The following SPAG16 variants were observed in gnomAD, a reference collection of about 807,000 sequenced individuals.
The protein encoded by SPAG16 is sperm-associated antigen 16 protein.
In SPAG16, 86 loss-of-function variants were observed where a neutral mutation model predicts 80.4. That is an observed-to-expected ratio of 1.07 (90% CI 0.90 to 1.28). The LOEUF (loss-of-function observed/expected upper bound fraction) is 1.28, where lower values mean the gene tolerates loss of function less well. Among genes scored for constraint, SPAG16 ranks in the 50% most tolerant of loss-of-function variants. SPAG16 has a pLI of 0.00. For missense variants in SPAG16, 870 were observed against 765.3 expected, an observed-to-expected ratio of 1.14 and a Z score of -1.61; for synonymous variants, 294 against 265.9, an observed-to-expected ratio of 1.11 and a Z score of -1.03.
chr2:213,589,857 G>A (rs2060620258), intron 10 of SPAG16, among the ~76,000 whole-genome samples: 1 of 151,418 alleles, frequency 6.6e-6, no homozygotes, highest in East Asian at 1.9e-4. Flanking sequence ...GGGTGGCAGA[G>A]GTTTCAGTGA....
Position 214,114,758 on chromosome 2 carries a change from T to C in SPAG16, c.1593+6497T>C, listed in dbSNP as rs186621546. Among the ~76,000 whole-genome samples, 635 of 152,324 alleles carry C rather than the reference T, an allele frequency of 4.2e-3. 8 individuals are homozygous for C. The highest frequency in any genetic ancestry group is 0.015 in the African/African-American group (604 of 41,576). On this transcript the variant is annotated intron_variant, in intron 14 of 15. Transcript: ENST00000331683. ...AGGGAAATCCCCCAAACCCTTGTGC[T>C]TCCCGGGTGAGGCAACACCTCTACC...
At chr2:214,109,642 A>G (rs2053567485) in intron 14 of SPAG16, among the ~76,000 whole-genome samples, 1 of 152,194 alleles carries the variant, frequency 6.6e-6, no homozygotes, top group African/African-American at 2.4e-5. Flanking sequence ...TGCTTGTGTC[A>G]TTGTCAGGCC....
chr2:213,579,020 A>G (rs1045020540), intron 10 of SPAG16, among the ~76,000 whole-genome samples: 1 of 152,168 alleles, frequency 6.6e-6, no homozygotes. Flanking sequence ...AAGATAATAC[A>G]GTAGCCGAAT....
chr2:213,820,300 G>A (rs1309531300), intron 10 of SPAG16, among the ~76,000 whole-genome samples: 1 of 152,050 alleles, frequency 6.6e-6, no homozygotes, highest in African/African-American at 2.4e-5. Context: ...AGATATCAAT[G>A]CCTGTAAATA....
intron 15 of SPAG16, among the ~76,000 whole-genome samples, chr2:214,220,946 C>T (rs2058551032): frequency 6.6e-6 from 1 of 152,152 alleles, no homozygotes; most frequent in African/African-American, 2.4e-5. Context: ...TAGGGGTGAG[C>T]ATGTGATTCA....
At chr2:213,774,087 A>G (rs927817991) in intron 10 of SPAG16, among the ~76,000 whole-genome samples, 3 of 152,150 alleles carry the variant, frequency 2.0e-5, no homozygotes, top group South Asian at 2.1e-4. Context: ...TACATTTATC[A>G]TAGCTATTTT....
chr2:213,529,366 C>T (rs1282185217), intron 10 of SPAG16, among the ~76,000 whole-genome samples: 1 of 152,116 alleles, frequency 6.6e-6, no homozygotes, highest in Non-Finnish European at 1.5e-5. Flanking sequence ...TTAAACCCTG[C>T]ATTATGGCTG....
At chr2:213,407,581 GGAGAGAGAGAGACAGGAGAGAGAGAGA>G (rs1559100608) in intron 9 of SPAG16, among the ~76,000 whole-genome samples, 1 of 145,528 alleles carries the variant, frequency 6.9e-6, no homozygotes, top group African/African-American at 2.6e-5. Context: ...CCCTACCCTA[GGAGAGAGAGAGACAGGAGAGAGAGAGA>G]GAGAGAGAGA....
intron 10 of SPAG16, among the ~76,000 whole-genome samples, chr2:213,658,362 G>A (rs2063298378): frequency 6.6e-6 from 1 of 151,896 alleles, no homozygotes; most frequent in Admixed American, 6.6e-5. Flanking sequence ...ACTAGATCAG[G>A]CTTCCTCTCT....
chr2:213,718,048 G>A (rs1404001424), intron 10 of SPAG16, among the ~76,000 whole-genome samples: 1 of 146,596 alleles, frequency 6.8e-6, no homozygotes, highest in Non-Finnish European at 1.5e-5. Flanking sequence ...ACTATCACCG[G>A]AGTTAAAAAG....
intron 9 of SPAG16, among the ~76,000 whole-genome samples, chr2:213,385,969 A>C (rs548513060): frequency 2.6e-5 from 4 of 152,250 alleles, no homozygotes; most frequent in African/African-American, 9.6e-5. Context: ...ATTATACTAT[A>C]ACTTTATAAC....
At chr2:214,125,110 C>A (rs1051748944) in intron 14 of SPAG16, among the ~76,000 whole-genome samples, 1 of 150,878 alleles carries the variant, frequency 6.6e-6, no homozygotes, top group Admixed American at 6.8e-5. Context: ...AGTGAAAGAA[C>A]CTTTTGTTTC....
rs1266778696 is a variant in SPAG16 at position 213,786,972 on chromosome 2, G to C, written c.1071-75513G>C. On this transcript the variant is annotated intron_variant, in intron 10 of 15. Coordinates refer to ENST00000331683, the MANE Select transcript of SPAG16 (RefSeq NM_024532.5). Reference sequence around the variant, plus strand: ...ATAAGTGGTATGGAAACAAATGAAGGTTATTTATTAGTAAAATTGATTACC... The same window carrying C: ...ATAAGTGGTATGGAAACAAATGAAGCTTATTTATTAGTAAAATTGATTACC... Among the ~76,000 whole-genome samples, 3 of 152,038 alleles carry C rather than the reference G, an allele frequency of 2.0e-5. No individual in the cohort carries two copies. In the East Asian group the frequency reaches 5.8e-4, roughly 29 times the overall value.
chr2:213,818,847 A>C (rs1057433660), intron 10 of SPAG16, among the ~76,000 whole-genome samples: 1 of 152,080 alleles, frequency 6.6e-6, no homozygotes, highest in Non-Finnish European at 1.5e-5. Context: ...CTCTCCTGCC[A>C]CCATGTGAAG....
chr2:213,890,070 G>A (rs560398951), intron 11 of SPAG16, among the ~76,000 whole-genome samples: 6 of 152,058 alleles, frequency 3.9e-5, no homozygotes, highest in South Asian at 2.1e-4. Flanking sequence ...AAAGTTGTAC[G>A]ATTGAGTTTA....
chr2:213,439,821 TAAAC>T (rs1294272455), intron 9 of SPAG16, among the ~76,000 whole-genome samples: 2 of 152,224 alleles, frequency 1.3e-5, no homozygotes, highest in East Asian at 1.9e-4. Flanking sequence ...ACTAAATAAA[TAAAC>T]AAAATCCAAT....
At chr2:214,235,983 C>T (rs1356214963) in intron 15 of SPAG16, among the ~76,000 whole-genome samples, 1 of 152,036 alleles carries the variant, frequency 6.6e-6, no homozygotes, top group Non-Finnish European at 1.5e-5. Context: ...GTGTGGTGGG[C>T]ATCAATGGTT....
intron 10 of SPAG16, among the ~76,000 whole-genome samples, chr2:213,860,340 C>A (rs2075367163): frequency 2.5e-5 from 1 of 39,436 alleles, no homozygotes; most frequent in African/African-American, 4.8e-5. Context: ...AAGTCATTTA[C>A]AGATATATAT....
intron 15 of SPAG16, among the ~76,000 whole-genome samples, chr2:214,356,349 G>A (rs1698799030): frequency 2.0e-5 from 3 of 151,838 alleles, no homozygotes; most frequent in Admixed American, 2.0e-4. Context: ...TTCCTACATA[G>A]GATTGCATGC....
Sources: gnomAD v4.1 joint callset for allele counts (sites outside exome capture counted in the v4.1 genomes callset) on GRCh38, gnomAD v4.1.1 for gene constraint, MANE v1.5 for transcripts, NCBI Gene and HGNC (gene_info 2026-07-23, HGNC 2026-07-21) for gene names.